Variants in NT5C3A observed in about 807,000 individuals in gnomAD.
NT5C3A encodes cytosolic 5'-nucleotidase 3A.
In NT5C3A, 23 loss-of-function variants were observed where a neutral mutation model predicts 40.0. The observed-to-expected ratio is 0.58, with a 90% CI of 0.41 to 0.81. The LOEUF (loss-of-function observed/expected upper bound fraction) is 0.81, where lower values mean the gene tolerates loss of function less well. Among genes scored for constraint, NT5C3A ranks in the 40% least tolerant of loss-of-function variants. NT5C3A has a pLI of 0.00. For synonymous variants in NT5C3A, 130 were observed against 141.4 expected, an observed-to-expected ratio of 0.92 and a Z score of 0.57; for missense variants, 328 against 403.0, an observed-to-expected ratio of 0.81 and a Z score of 1.59.
At chr7:33,038,926 G>T (rs188348451) in intron 1 of NT5C3A, 42 of 455,904 alleles carry the variant, frequency 9.2e-5, no homozygotes, top group Non-Finnish European at 1.6e-4. Flanking sequence ...CTTGATCTAC[G>T]AACTCTCTTC....
chr7:33,054,723 T>C (rs1169735390), intron 1 of NT5C3A, among the ~76,000 whole-genome samples: 3 of 152,244 alleles, frequency 2.0e-5, no homozygotes, highest in African/African-American at 4.8e-5. Context: ...AACAAATTTG[T>C]GTACTCTTAA....
intron 7 of NT5C3A, 95 bp downstream of exon 7, chr7:33,017,344 G>C: frequency 1.0e-6 from 1 of 988,664 alleles, no homozygotes; most frequent in South Asian, 1.6e-5. Flanking sequence ...CCTAATTTCT[G>C]GATATAGGAT....
chr7:33,024,244 C>T, intron 2 of NT5C3A, 136 bp from the exon 3 acceptor site: 1 of 671,064 alleles, frequency 1.5e-6, no homozygotes, highest in South Asian at 1.6e-5. Context: ...ACACTGTTAA[C>T]TTATTCTCTT....
At chr7:33,061,579 A>G (rs1787779356) in intron 1 of NT5C3A, among the ~76,000 whole-genome samples, 1 of 152,184 alleles carries the variant, frequency 6.6e-6, no homozygotes, top group Non-Finnish European at 1.5e-5. Context: ...GGTCAGTACA[A>G]CCAATAGGAC....
At chr7:33,029,688 C>T in intron 1 of NT5C3A, 1 of 1,289,784 alleles carries the variant, frequency 7.8e-7, no homozygotes, top group Non-Finnish European at 1.0e-6. Flanking sequence ...ACCAAGACCA[C>T]TTCGAAGAAG....
chr7:33,029,837 G>A lies in NT5C3A; in HGVS notation c.139-2922C>T, dbSNP rs1455075397. 10 of 464,348 alleles carry A rather than the reference G, an allele frequency of 2.2e-5. No individual in the cohort carries two copies. The East Asian group carries it at 7.1e-4, about 33-fold the overall frequency. 28.8% of individuals were successfully genotyped at this position (464,348 alleles called of 1,614,324 possible). A position where few individuals can be genotyped will look rare whatever the true frequency, so the allele number is the denominator to read the frequency against. On this transcript the variant is annotated intron_variant, in intron 1 of 8. Coordinates refer to ENST00000610140, the MANE Select transcript of NT5C3A (RefSeq NM_001002010.5). ...CCGCTTCAGCCTCCCAAAGTGCTGG[G>A]ATTACAGGTGTAAGCCACCATGCCC...
chr7:33,026,784 A>G (rs748796560), intron 2 of NT5C3A, 33 bp downstream of exon 2: 8 of 1,450,316 alleles, frequency 5.5e-6, no homozygotes, highest in Admixed American at 3.3e-5. Context: ...ATGAGCCAAC[A>G]CACACAGCCA....
At chr7:33,030,884 G>A (rs1269944150) in intron 1 of NT5C3A, among the ~76,000 whole-genome samples, 1 of 151,936 alleles carries the variant, frequency 6.6e-6, no homozygotes, top group East Asian at 1.9e-4. Context: ...CGGATCACGA[G>A]GTCAGGAGAT....
chr7:33,058,919 G>A (rs144531564), intron 1 of NT5C3A, among the ~76,000 whole-genome samples: 3 of 152,104 alleles, frequency 2.0e-5, no homozygotes, highest in Non-Finnish European at 2.9e-5. Context: ...TTTTACCAAC[G>A]GCGGCTCAAC....
intron 1 of NT5C3A, among the ~76,000 whole-genome samples, chr7:33,048,284 A>T (rs1234938514): frequency 2.0e-5 from 3 of 151,830 alleles, no homozygotes; most frequent in Non-Finnish European, 4.4e-5. Flanking sequence ...GGCTCAGGTG[A>T]TCCTCCTGCC....
At chr7:33,059,944 T>C (rs1213053704) in intron 1 of NT5C3A, among the ~76,000 whole-genome samples, 1 of 152,168 alleles carries the variant, frequency 6.6e-6, no homozygotes, top group Admixed American at 6.5e-5. Context: ...TAAAACATAC[T>C]GTTGGGTTTT....
At chr7:33,050,883 A>G (rs1457642308) in intron 1 of NT5C3A, among the ~76,000 whole-genome samples, 1 of 152,214 alleles carries the variant, frequency 6.6e-6, no homozygotes, top group Non-Finnish European at 1.5e-5. Context: ...TTTGATATAG[A>G]ATAGCAGTGT....
chr7:33,036,015 C>T (rs1554291770), intron 1 of NT5C3A: 2 of 1,584,410 alleles, frequency 1.3e-6, no homozygotes, highest in African/African-American at 2.7e-5. Flanking sequence ...GATGTCACAG[C>T]AAAAGAGAAA....
intron 1 of NT5C3A, among the ~76,000 whole-genome samples, chr7:33,049,298 C>T (rs996947768): frequency 3.3e-4 from 50 of 151,952 alleles, no homozygotes; most frequent in African/African-American, 1.2e-3. Context: ...GTGAATCATC[C>T]CCATTCTAGA....
At chr7:33,037,805 G>GTA (rs1342930768) in intron 1 of NT5C3A, among the ~76,000 whole-genome samples, 2 of 152,074 alleles carry the variant, frequency 1.3e-5, no homozygotes, top group Non-Finnish European at 2.9e-5. Context: ...ATGTGTATGT[G>GTA]TATATATCTT....
intron 1 of NT5C3A, chr7:33,029,137 T>C (rs1224941075): frequency 6.5e-6 from 1 of 152,704 alleles, no homozygotes; most frequent in Non-Finnish European, 1.5e-5. Flanking sequence ...AACCTTGATG[T>C]AGTAATCCTT....
intron 1 of NT5C3A, among the ~76,000 whole-genome samples, chr7:33,061,126 G>C (rs1787757022): frequency 6.6e-6 from 1 of 152,204 alleles, no homozygotes; most frequent in African/African-American, 2.4e-5. Flanking sequence ...CCAATCCATA[G>C]TTTAAGCACA....
chr7:33,039,649 A>T (rs534899741), intron 1 of NT5C3A, among the ~76,000 whole-genome samples: 1 of 143,090 alleles, frequency 7.0e-6, no homozygotes, highest in East Asian at 2.1e-4. Context: ...TATGGCTGTA[A>T]TAATTTGGTG....
At chr7:33,044,439 A>C (rs1787061799) in intron 1 of NT5C3A, among the ~76,000 whole-genome samples, 1 of 152,160 alleles carries the variant, frequency 6.6e-6, no homozygotes, top group Non-Finnish European at 1.5e-5. Context: ...ACGAAGTTGT[A>C]AAGACAGGTT....
Sources: allele counts gnomAD v4.1 joint callset (sites outside exome capture counted in the v4.1 genomes callset), GRCh38; gene constraint gnomAD v4.1.1; transcripts MANE v1.5; gene names NCBI Gene and HGNC (gene_info 2026-07-23, HGNC 2026-07-21).